Variants in ACAP2 observed in about 807,000 individuals in gnomAD.
ACAP2 encodes the protein arf-GAP with coiled-coil, ANK repeat and PH domain-containing protein 2.
ACAP2 carries 39 observed loss-of-function variants against 115.8 expected under a neutral mutation model. That is an observed-to-expected ratio of 0.34 (90% CI 0.26 to 0.44). ACAP2 has a LOEUF of 0.44. ACAP2 is among the 20% of genes least tolerant of loss of function. ACAP2 has a pLI of 1.00. For synonymous variants in ACAP2, 289 were observed against 315.8 expected (o/e 0.92, Z 0.90); for missense variants, 662 against 927.6 (o/e 0.71, Z 3.72).
chr3:195,393,860 TCTG>T (rs1013578803), intron 1 of ACAP2, among the ~76,000 whole-genome samples: 9 of 127,830 alleles, frequency 7.0e-5, no homozygotes, highest in African/African-American at 2.6e-4. Flanking sequence ...GATATGGAAA[TCTG>T]CACAGGATAG....
intron 4 of ACAP2, among the ~76,000 whole-genome samples, chr3:195,373,847 C>A (rs970217341): frequency 6.6e-6 from 1 of 152,106 alleles, no homozygotes; most frequent in East Asian, 1.9e-4. Context: ...ACTGCTTGAG[C>A]CCAAGAGGTG....
intron 1 of ACAP2, among the ~76,000 whole-genome samples, chr3:195,426,782 A>G (rs1218307007): frequency 2.0e-5 from 3 of 152,242 alleles, no homozygotes; most frequent in African/African-American, 4.8e-5. Flanking sequence ...ATGTAAACCA[A>G]TGAGCACAGA....
chr3:195,379,582 C>T (rs560099606), intron 4 of ACAP2, among the ~76,000 whole-genome samples: 2 of 152,246 alleles, frequency 1.3e-5, no homozygotes, highest in East Asian at 3.9e-4. Context: ...GGCTTGAGCC[C>T]AGGAGTTCAA....
At chr3:195,351,785 AAAAGATGACACTTCACC>A (rs1731629072) in intron 4 of ACAP2, among the ~76,000 whole-genome samples, 1 of 152,192 alleles carries the variant, frequency 6.6e-6, no homozygotes, top group Admixed American at 6.5e-5. Context: ...TTTAATGAAC[AAAAGATGACACTTCACC>A]AAAGAAGATC....
intron 4 of ACAP2, among the ~76,000 whole-genome samples, chr3:195,353,897 G>A (rs1041947030): frequency 6.6e-5 from 10 of 152,078 alleles, no homozygotes; most frequent in Non-Finnish European, 8.8e-5. Context: ...ATAGGTAAAC[G>A]GGTGTCACAG....
chr3:195,344,342 T>C (rs1731060154), intron 5 of ACAP2, among the ~76,000 whole-genome samples: 1 of 152,174 alleles, frequency 6.6e-6, no homozygotes. Flanking sequence ...TACAGCTCTA[T>C]TATAATAAAC....
chr3:195,359,954 AG>A lies in ACAP2; in HGVS notation c.286-14638del, dbSNP rs1238056379. 3.3e-5 allele frequency among the ~76,000 whole-genome samples: 5 copies of A among 152,350 alleles called. No homozygotes were observed. In the East Asian group the frequency reaches 9.6e-4, roughly 29 times the overall value. On this transcript the variant is annotated intron_variant, in intron 4 of 22. Transcript: ENST00000326793. ...ACCAGAGAAAATCACCTTCATTAAA[AG>A]GAAGACACTATGGAAGAGAAGACCA...
At chr3:195,432,728 T>G (rs1010727679) in intron 1 of ACAP2, among the ~76,000 whole-genome samples, 8 of 152,204 alleles carry the variant, frequency 5.3e-5, no homozygotes, top group African/African-American at 1.7e-4. Flanking sequence ...AAGAAACCGG[T>G]TGGAATTTTC....
At chr3:195,306,865 AAC>A (rs1553847291) in intron 12 of ACAP2, 57 of 306,426 alleles carry the variant, frequency 1.9e-4, no homozygotes, top group East Asian at 3.1e-4. Context: ...AAAAAAAAAA[AAC>A]CACTTAAATT....
chr3:195,351,132 G>GA (rs746125060), intron 4 of ACAP2, among the ~76,000 whole-genome samples: 1 of 77,678 alleles, frequency 1.3e-5, no homozygotes, highest in Non-Finnish European at 2.5e-5. Flanking sequence ...TTTTTTTTGG[G>GA]CGGGGGACAG....
chr3:195,351,523 G>A (rs553718571), intron 4 of ACAP2, among the ~76,000 whole-genome samples: 87 of 150,336 alleles, frequency 5.8e-4, no homozygotes, highest in African/African-American at 2.0e-3. Context: ...GTGCAGTGGC[G>A]TGATGTCAGC....
chr3:195,280,573 G>T (rs1461731980), intron 22 of ACAP2: 1 of 152,132 alleles, frequency 6.6e-6, no homozygotes, highest in Non-Finnish European at 1.5e-5. Flanking sequence ...AGAATGCTAT[G>T]ACAAAATGCA....
chr3:195,324,171 C>T (rs1729625495), intron 9 of ACAP2, among the ~76,000 whole-genome samples: 1 of 152,012 alleles, frequency 6.6e-6, no homozygotes, highest in Non-Finnish European at 1.5e-5. Flanking sequence ...ATAGGATATC[C>T]AAATGACCAA....
intron 5 of ACAP2, among the ~76,000 whole-genome samples, chr3:195,343,529 G>A (rs1397661454): frequency 6.6e-6 from 1 of 152,122 alleles, no homozygotes; most frequent in Non-Finnish European, 1.5e-5. Context: ...GGGCTCAAGC[G>A]ATCCTCACAC....
rs1714839310 is a variant in ACAP2, at chr3:195,428,313, C to T, written c.53+14482G>A. The stretch of plus-strand genomic sequence containing the variant: ...AGGTATACATACATAGATATATATA[C>T]ACTCATATATATAGGTGTGTGTGTA... On this transcript the variant is annotated intron_variant, in intron 1 of 22. Transcript: ENST00000326793. Among the ~76,000 whole-genome samples the T allele has an allele frequency of 2.0e-5, 3 of 148,042 alleles. No homozygotes were observed. The South Asian group carries it at 6.5e-4, about 32-fold the overall frequency.
intron 10 of ACAP2, among the ~76,000 whole-genome samples, chr3:195,311,343 C>G (rs951305069): frequency 3.3e-5 from 5 of 152,066 alleles, no homozygotes; most frequent in Admixed American, 6.6e-5. Context: ...GCGATCCACC[C>G]ACCTTGGCCT....
At chr3:195,354,400 T>C (rs888019790) in intron 4 of ACAP2, among the ~76,000 whole-genome samples, 8 of 152,184 alleles carry the variant, frequency 5.3e-5, no homozygotes, top group African/African-American at 9.7e-5. Flanking sequence ...GTATATCTCA[T>C]TGTGGTTTTG....
At chr3:195,378,861 C>CAAA (rs367815107) in intron 4 of ACAP2, among the ~76,000 whole-genome samples, 1 of 70,790 alleles carries the variant, frequency 1.4e-5, no homozygotes, top group African/African-American at 5.8e-5. Flanking sequence ...ACTCTGTCTC[C>CAAA]AAAAAAAAAA....
chr3:195,298,197 T>A (rs1453451972), intron 15 of ACAP2, among the ~76,000 whole-genome samples: 1 of 150,824 alleles, frequency 6.6e-6, no homozygotes, highest in Non-Finnish European at 1.5e-5. Context: ...ACAACAGGAG[T>A]GAAGTCTGGG....
Sources: allele counts gnomAD v4.1 joint callset (sites outside exome capture counted in the v4.1 genomes callset), GRCh38; gene constraint gnomAD v4.1.1; transcripts MANE v1.5; gene names NCBI Gene and HGNC (gene_info 2026-07-23, HGNC 2026-07-21).